DIPK1A: variants seen among roughly 807,000 people sequenced by gnomAD.
The protein encoded by DIPK1A is divergent protein kinase domain 1A.
A neutral mutation model predicts 40.8 loss-of-function variants in DIPK1A; 27 were observed. That is an observed-to-expected ratio of 0.66 (90% CI 0.49 to 0.91). The LOEUF (loss-of-function observed/expected upper bound fraction) is 0.91. DIPK1A is among the 40% of genes least tolerant of loss of function. DIPK1A has a pLI of 0.00. For synonymous variants in DIPK1A, 166 were observed against 171.3 expected (o/e 0.97, Z 0.24); for missense variants, 412 against 505.7 (o/e 0.81, Z 1.78).
At position 92,842,523 on chromosome 1, in the gene DIPK1A, A is replaced by T; in HGVS notation, c.*860T>A. The T allele has an allele frequency of 1.0e-6, 1 of 983,630 alleles. No individual in the cohort carries two copies. 60.9% of individuals were successfully genotyped at this position (983,630 alleles called of 1,614,324 possible). ...AAATACATTTACATGCCTCTTTAAG[A>T]AATAGCCCTTTGGCCCACAGGATAT... On this transcript the variant is annotated 3_prime_UTR_variant, in exon 5 of 5. Coordinates refer to ENST00000370310, the MANE Select transcript of DIPK1A (RefSeq NM_001006605.5).
In DIPK1A at chr1:92,848,140, GAAGT is replaced by G. The variant is rs1416023202; in HGVS notation, c.298-785_298-782del. Among the ~76,000 whole-genome samples the G allele has an allele frequency of 5.9e-5, 9 of 152,274 alleles. No homozygotes were observed. The South Asian group carries it at 1.2e-3, about 21-fold the overall frequency. On this transcript the variant is annotated intron_variant, in intron 3 of 4. Transcript: ENST00000370310. The stretch of plus-strand genomic sequence containing the variant: ...TGGGGAAACTGAAGCAGATACAGGT[GAAGT>G]AACATGCTGAAAAGAGCTGAGGTCT...
At chr1:92,919,215 T>C (rs1650178206) in intron 1 of DIPK1A, among the ~76,000 whole-genome samples, 1 of 152,234 alleles carries the variant, frequency 6.6e-6, no homozygotes, top group Admixed American at 6.5e-5. Context: ...CGGCTTCATG[T>C]TTGGATTATA....
intron 1 of DIPK1A, among the ~76,000 whole-genome samples, chr1:92,942,625 C>T (rs189817264): frequency 7.2e-4 from 109 of 152,032 alleles, no homozygotes; most frequent in African/African-American, 2.4e-3. Context: ...ATTATCTCAC[C>T]TTATTTTATT....
chr1:92,848,670 T>G (rs1413909274), intron 3 of DIPK1A, among the ~76,000 whole-genome samples: 3 of 152,198 alleles, frequency 2.0e-5, no homozygotes, highest in African/African-American at 7.2e-5. Context: ...ATTATCATAT[T>G]TATTTATTTA....
chr1:92,893,845 T>C (rs1043519906), intron 1 of DIPK1A, among the ~76,000 whole-genome samples: 45 of 151,694 alleles, frequency 3.0e-4, no homozygotes, highest in Admixed American at 5.2e-4. Context: ...AAGGCAGGGG[T>C]TGCAATCCTA....
chr1:92,957,393 T>C (rs994206634), intron 1 of DIPK1A, among the ~76,000 whole-genome samples: 1 of 152,246 alleles, frequency 6.6e-6, no homozygotes, highest in Admixed American at 6.5e-5. Flanking sequence ...CTGCATCATT[T>C]AGCCAGTCCA....
intron 2 of DIPK1A, among the ~76,000 whole-genome samples, chr1:92,851,372 C>G (rs1571055747): frequency 6.6e-6 from 1 of 151,440 alleles, no homozygotes; most frequent in Middle Eastern, 3.4e-3. Flanking sequence ...GGTGAAACCC[C>G]ATCTCTACTA....
chr1:92,852,074 C>A (rs919435324), intron 2 of DIPK1A, among the ~76,000 whole-genome samples: 5 of 152,168 alleles, frequency 3.3e-5, no homozygotes, highest in African/African-American at 1.2e-4. Context: ...GCTTCCCGCA[C>A]ATGGCTGGCT....
At chr1:92,893,207 G>C (rs9440129) in intron 1 of DIPK1A, among the ~76,000 whole-genome samples, 92,651 of 144,420 alleles carry the variant, frequency 0.64, 30,320 homozygotes, top group East Asian at 0.95. Flanking sequence ...TTGTCAGAGT[G>C]ACCAAAGTTG....
At position 92,847,241 on chromosome 1, in the gene DIPK1A, T is replaced by G. The variant is rs1416093143; in HGVS notation, c.416A>C (p.Lys139Thr). ...EPRKEIVLFDKPTRGTTVQKF... is the reference protein window; with the variant it reads ...EPRKEIVLFDTPTRGTTVQKF... The stretch of plus-strand genomic sequence containing the variant: ...TTGTACAGTAGTTCCTCTAGTTGGC[T>G]TATCAAATAGCACTATTTCTTTTCT... The change falls in exon 4 of 5, where the codon AAG (lysine) becomes ACG (threonine). Residue 139 changes from lysine (K) to threonine (T), a missense_variant. Physicochemically the swap from Lys to Thr is moderately conservative, Grantham distance 78. Coordinates refer to ENST00000370310, the MANE Select transcript of DIPK1A (RefSeq NM_001006605.5). 6.2e-7 allele frequency: 1 copy of G among 1,609,020 alleles called. No homozygotes were observed.
chr1:92,912,639 G>A (rs1415563022), intron 1 of DIPK1A, among the ~76,000 whole-genome samples: 1 of 152,102 alleles, frequency 6.6e-6, no homozygotes, highest in African/African-American at 2.4e-5. Context: ...AAGATCTAGA[G>A]CTTAGAGTCC....
intron 1 of DIPK1A, among the ~76,000 whole-genome samples, chr1:92,903,523 T>C (rs561361522): frequency 2.0e-5 from 3 of 152,348 alleles, no homozygotes; most frequent in Non-Finnish European, 4.4e-5. Context: ...AAAAGTCCAG[T>C]TATACTTAGA....
chr1:92,958,488 C>T (rs779700726), intron 1 of DIPK1A, among the ~76,000 whole-genome samples: 3 of 152,180 alleles, frequency 2.0e-5, no homozygotes, highest in Admixed American at 6.5e-5. Flanking sequence ...CTTCCTGGCC[C>T]TCCATCTCTT....
Position 92,843,223 on chromosome 1 carries a change from A to G in DIPK1A, c.*160T>C. The G allele has an allele frequency of 7.1e-7, 1 of 1,414,340 alleles. No individual in the cohort carries two copies. The highest frequency in any genetic ancestry group is 9.2e-7 in the Non-Finnish European group (1 of 1,083,088). 87.6% of individuals were successfully genotyped at this position (1,414,340 alleles called of 1,614,324 possible). On this transcript the variant is annotated 3_prime_UTR_variant, in exon 5 of 5. Transcript: ENST00000370310. Reference sequence around the variant, plus strand: ...CATCTTGGGGACCTGTTGATCCTACACCTGCCATTACTTCAGTGATCACAT... The same window carrying G: ...CATCTTGGGGACCTGTTGATCCTACGCCTGCCATTACTTCAGTGATCACAT...
chr1:92,882,441 CT>C (rs1435517985), intron 1 of DIPK1A, among the ~76,000 whole-genome samples: 1 of 152,168 alleles, frequency 6.6e-6, no homozygotes, highest in Non-Finnish European at 1.5e-5. Flanking sequence ...TCACTGACCC[CT>C]ATCCTCCCAA....
rs1231522229 is a variant in DIPK1A at position 92,842,219 on chromosome 1, A to G, written c.*1164T>C. The G allele has an allele frequency of 1.0e-5, 10 of 998,404 alleles. No individual in the cohort carries two copies. Among genetic ancestry groups the G allele is most frequent in the Middle Eastern group, 5.0e-4 (1 of 1,982 alleles). 61.8% of individuals were successfully genotyped at this position (998,404 alleles called of 1,614,324 possible). ...AGATGATGAATGGGAAAAGTACCTT[A>G]AAGTAAACAAAACTGGTGCTAATCC... On this transcript the variant is annotated 3_prime_UTR_variant, in exon 5 of 5. Transcript: ENST00000370310.
At chr1:92,916,965 A>G (rs1392469350) in intron 1 of DIPK1A, among the ~76,000 whole-genome samples, 1 of 152,192 alleles carries the variant, frequency 6.6e-6, no homozygotes, top group Non-Finnish European at 1.5e-5. Context: ...ACACTAGAAC[A>G]GCTGTTTTCA....
intron 2 of DIPK1A, among the ~76,000 whole-genome samples, chr1:92,868,267 T>G (rs1294793927): frequency 6.6e-6 from 1 of 152,206 alleles, no homozygotes; most frequent in Non-Finnish European, 1.5e-5. Flanking sequence ...ATGATATGGT[T>G]TAGCTGCTAG....
chr1:92,849,846 G>C (rs148825756), intron 3 of DIPK1A, among the ~76,000 whole-genome samples: 314 of 152,084 alleles, frequency 2.1e-3, no homozygotes, highest in Admixed American at 3.4e-3. Flanking sequence ...TGTAGAGACA[G>C]GGTTTTGCTA....
Sources: allele counts gnomAD v4.1 joint callset (sites outside exome capture counted in the v4.1 genomes callset), GRCh38; gene constraint gnomAD v4.1.1; transcripts MANE v1.5; gene names NCBI Gene and HGNC (gene_info 2026-07-23, HGNC 2026-07-21).